Variants in CAMK4 observed in about 807,000 individuals in gnomAD.
CAMK4 encodes the protein calcium/calmodulin-dependent protein kinase type IV.
CAMK4 carries 22 observed loss-of-function variants against 44.9 expected under a neutral mutation model. The observed-to-expected ratio is 0.49, with a 90% CI of 0.35 to 0.70. CAMK4 has a LOEUF of 0.70. CAMK4 is among the 30% of genes least tolerant of loss of function. The pLI is 0.01. For missense variants in CAMK4, 498 were observed against 586.8 expected (o/e 0.85, Z 1.56); for synonymous variants, 218 against 215.4 (o/e 1.01, Z -0.11).
intron 4 of CAMK4, among the ~76,000 whole-genome samples, chr5:111,384,966 A>G (rs187683138): frequency 9.1e-4 from 138 of 152,240 alleles, no homozygotes; most frequent in Admixed American, 2.1e-3. Context: ...CTTCCCACCA[A>G]TGTATTAACC....
At chr5:111,443,279 T>TGTATACAC (rs1753901061) in intron 5 of CAMK4, among the ~76,000 whole-genome samples, 2 of 37,478 alleles carry the variant, frequency 5.3e-5, no homozygotes, top group East Asian at 1.5e-3. Context: ...TATATATATA[T>TGTATACAC]ACACACACAC....
intron 5 of CAMK4, among the ~76,000 whole-genome samples, chr5:111,421,876 T>C (rs146907602): frequency 2.0e-5 from 3 of 152,284 alleles, no homozygotes; most frequent in African/African-American, 4.8e-5. Context: ...GTTCTCATGA[T>C]AGTGAATAAG....
chr5:111,315,945 T>A (rs528454416), intron 1 of CAMK4, among the ~76,000 whole-genome samples: 42 of 152,242 alleles, frequency 2.8e-4, no homozygotes, highest in Non-Finnish European at 5.0e-4. Flanking sequence ...CAAAAGAGTT[T>A]ATCATTTTGT....
chr5:111,416,233 C>T (rs1752809194), intron 5 of CAMK4, among the ~76,000 whole-genome samples: 1 of 151,910 alleles, frequency 6.6e-6, no homozygotes, highest in Non-Finnish European at 1.5e-5. Flanking sequence ...TATGAACAAA[C>T]TCCCATATAC....
chr5:111,337,792 A>G (rs959163729), intron 1 of CAMK4, among the ~76,000 whole-genome samples: 1 of 151,172 alleles, frequency 6.6e-6, no homozygotes, highest in African/African-American at 2.4e-5. Flanking sequence ...CCAAATTAGT[A>G]CTAAAGTTGC....
intron 5 of CAMK4, among the ~76,000 whole-genome samples, chr5:111,418,205 G>A (rs1032119059): frequency 6.6e-6 from 1 of 152,182 alleles, no homozygotes; most frequent in East Asian, 1.9e-4. Context: ...ATGTCAGTAG[G>A]TTCCGTGATG....
upstream of CAMK4, chr5:111,224,366 G>A: frequency 7.5e-7 from 1 of 1,332,160 alleles, no homozygotes; most frequent in Non-Finnish European, 9.6e-7. The surrounding 1 kb of genome is among the most constrained non-coding windows in gnomAD (Gnocchi z 5.7). Context: ...GCGTGTGCGC[G>A]CGTGAAGGAC....
In CAMK4 at chr5:111,351,224, A is replaced by G. The variant is rs79823628; in HGVS notation, c.240+7122A>G. On this transcript the variant is annotated intron_variant, in intron 2 of 10. Transcript: ENST00000282356. Reference sequence around the variant, plus strand: ...CCCAGAAGATTTCTTTAGGAAGAATATACTACATTTGTATAGAGAACTATG... The same window carrying G: ...CCCAGAAGATTTCTTTAGGAAGAATGTACTACATTTGTATAGAGAACTATG... 4.5e-3 allele frequency among the ~76,000 whole-genome samples: 692 copies of G among 152,220 alleles called. 7 individuals are homozygous for G. The highest frequency in any genetic ancestry group is 0.016 in the African/African-American group (663 of 41,544).
chr5:111,247,568 C>T (rs1238959311), intron 1 of CAMK4, among the ~76,000 whole-genome samples: 1 of 150,866 alleles, frequency 6.6e-6, no homozygotes, highest in Non-Finnish European at 1.5e-5. Flanking sequence ...ATTGGGAAGG[C>T]TAGCAAGTCA....
chr5:111,332,394 G>A lies in CAMK4; in HGVS notation c.162-11630G>A, dbSNP rs952873824. On this transcript the variant is annotated intron_variant, in intron 1 of 10. Transcript: ENST00000282356. ...GATTTCCAATTTCATCCATGTCCCT[G>A]CAAAGGACATGAACTCATCATTTTT... Among the ~76,000 whole-genome samples the A allele has an allele frequency of 2.9e-4, 44 of 151,268 alleles. 1 individual carries two copies. Among genetic ancestry groups the A allele is most frequent in the African/African-American group, 9.9e-4 (41 of 41,316 alleles).
At chr5:111,269,781 G>A (rs1750422806) in intron 1 of CAMK4, among the ~76,000 whole-genome samples, 1 of 152,132 alleles carries the variant, frequency 6.6e-6, no homozygotes, top group African/African-American at 2.4e-5. Flanking sequence ...CCACCTTCTT[G>A]TACTTGTGGG....
chr5:111,350,447 A>G (rs754290625), intron 2 of CAMK4, among the ~76,000 whole-genome samples: 7 of 152,032 alleles, frequency 4.6e-5, no homozygotes, highest in Non-Finnish European at 1.0e-4. Flanking sequence ...AAATGGATAC[A>G]TATTCTCTTA....
chr5:111,416,547 G>A (rs1752822145), intron 5 of CAMK4: 1 of 152,146 alleles, frequency 6.6e-6, no homozygotes, highest in African/African-American at 2.4e-5. Flanking sequence ...TCAAGATGTT[G>A]GATATACCAT....
At chr5:111,228,655 C>G (rs1374755054) in intron 1 of CAMK4, among the ~76,000 whole-genome samples, 1 of 150,886 alleles carries the variant, frequency 6.6e-6, no homozygotes, top group Admixed American at 6.6e-5. Context: ...GTTAAAAAAA[C>G]TTGGCTGAAC....
At chr5:111,235,914 C>G (rs1234169440) in intron 1 of CAMK4, among the ~76,000 whole-genome samples, 2 of 152,144 alleles carry the variant, frequency 1.3e-5, no homozygotes, top group Non-Finnish European at 2.9e-5. Flanking sequence ...GAGCACCAAG[C>G]AGGCCATTCT....
At chr5:111,276,705 G>A (rs539239900) in intron 1 of CAMK4, among the ~76,000 whole-genome samples, 49 of 152,168 alleles carry the variant, frequency 3.2e-4, no homozygotes, top group Middle Eastern at 3.4e-3. Context: ...GTATGGGTTT[G>A]GGGTGGGATA....
intron 5 of CAMK4, among the ~76,000 whole-genome samples, chr5:111,420,760 G>T (rs1752996460): frequency 6.6e-6 from 1 of 152,220 alleles, no homozygotes; most frequent in Non-Finnish European, 1.5e-5. Context: ...TTTGAAAGAA[G>T]AGAAATATGG....
chr5:111,264,126 T>C (rs1041949889), intron 1 of CAMK4, among the ~76,000 whole-genome samples: 1 of 152,144 alleles, frequency 6.6e-6, no homozygotes, highest in Non-Finnish European at 1.5e-5. Context: ...TGTAGTTTGG[T>C]GTGATGTTGA....
rs1271104322 is a variant in CAMK4 at position 111,443,267 on chromosome 5, TATATATATATATACACACACAC to T, written c.460-3417_460-3396del. Among the ~76,000 whole-genome samples, 282 of 48,790 alleles carry T rather than the reference TATATATATATATACACACACAC, an allele frequency of 5.8e-3. 1 individual carries two copies. Among genetic ancestry groups the T allele is most frequent in the African/African-American group, 0.02 (268 of 13,196 alleles). The allele number at this position is 48,790 out of a possible 152,430, so 32.0% of individuals were successfully genotyped here. ...CCATATATATATATATATATATATA[TATATATATATATACACACACAC>T]ACACACACACACACACACACACACA... On this transcript the variant is annotated intron_variant, in intron 5 of 10. Coordinates refer to ENST00000282356, the MANE Select transcript of CAMK4 (RefSeq NM_001744.6).
Sources: allele counts gnomAD v4.1 joint callset (sites outside exome capture counted in the v4.1 genomes callset), GRCh38; gene constraint gnomAD v4.1.1; non-coding constraint Gnocchi (gnomAD v3.1); transcripts MANE v1.5; gene names NCBI Gene and HGNC (gene_info 2026-07-23, HGNC 2026-07-21).